Variants in WARS2 observed in about 807,000 individuals in gnomAD.
The protein encoded by WARS2 is tryptophanyl tRNA synthetase 2, mitochondrial.
A neutral mutation model predicts 36.5 loss-of-function variants in WARS2; 28 were observed. The ratio of observed to expected loss-of-function variants is 0.77; its 90% CI spans 0.57 to 1.05. The LOEUF (loss-of-function observed/expected upper bound fraction) is 1.05. Ranked by LOEUF, WARS2 falls within the 50% of genes least tolerant of loss-of-function variation. The pLI is 0.00. For synonymous variants in WARS2, 174 were observed against 178.4 expected (o/e 0.98, Z 0.20); for missense variants, 435 against 456.8 (o/e 0.95, Z 0.44).
intron 1 of WARS2, among the ~76,000 whole-genome samples, chr1:119,131,458 G>GTTTTTTTTTTTTTT (rs761800862): frequency 7.4e-6 from 1 of 134,302 alleles, no homozygotes; most frequent in Non-Finnish European, 1.6e-5. Flanking sequence ...AAAGTTTTTT[G>GTTTTTTTTTTTTTT]TTTTTTGTTT....
At position 119,033,018 on chromosome 1, in the gene WARS2, G is replaced by A. The variant is rs1315735279; in HGVS notation, c.976C>T (p.Leu326=). The change falls in exon 6 of 6, where the codon CTG becomes TTG. Residue 326 remains leucine, a synonymous_variant. Coordinates refer to ENST00000235521, the MANE Select transcript of WARS2 (RefSeq NM_015836.4). The part of the protein sequence containing the change: ...PIKREIEKLK[L]DKDHLEKVLQ... ...ACCTTCTCTAAATGGTCCTTGTCCA[G>A]CTTCAGTTTTTCAATTTCACGCTTA... 2 of 1,614,208 alleles carry A rather than the reference G, an allele frequency of 1.2e-6. No homozygotes were observed. Among genetic ancestry groups the A allele is most frequent in the Non-Finnish European group, 1.7e-6 (2 of 1,180,042 alleles).
intron 4 of WARS2, among the ~76,000 whole-genome samples, chr1:119,040,053 A>G (rs185568653): frequency 6.6e-6 from 1 of 152,380 alleles, no homozygotes; most frequent in African/African-American, 2.4e-5. Flanking sequence ...TAGGGAAAAC[A>G]ATGATATAGC....
At chr1:119,137,360 T>C (rs1420815974) in intron 1 of WARS2, among the ~76,000 whole-genome samples, 10 of 152,184 alleles carry the variant, frequency 6.6e-5, no homozygotes, top group Admixed American at 5.9e-4. Context: ...TTTTTAGGCG[T>C]AATTCTTCAT....
intron 2 of WARS2, among the ~76,000 whole-genome samples, chr1:119,059,592 A>G (rs2361269): frequency 0.32 from 49,399 of 152,024 alleles, 9,474 homozygotes; most frequent in African/African-American, 0.54. Context: ...AATAAGCTTC[A>G]AAAGGCAGTA....
chr1:119,041,434 T>C (rs1373415857), intron 4 of WARS2, among the ~76,000 whole-genome samples: 2 of 152,254 alleles, frequency 1.3e-5, no homozygotes, highest in East Asian at 1.9e-4. Flanking sequence ...GTGTATATTT[T>C]TGAGGACTTT....
At chr1:119,080,218 A>T (rs986996653) in intron 1 of WARS2, among the ~76,000 whole-genome samples, 1 of 152,230 alleles carries the variant, frequency 6.6e-6, no homozygotes, top group African/African-American at 2.4e-5. Flanking sequence ...ACCTAGGAAG[A>T]TAAGGGACTG....
At chr1:119,042,241 A>G in intron 4 of WARS2, 23 bp downstream of exon 4, 1 of 1,610,730 alleles carries the variant, frequency 6.2e-7, no homozygotes, top group Non-Finnish European at 8.5e-7. Context: ...TATGTATAAG[A>G]CTGGGCTGAA....
intron 2 of WARS2, among the ~76,000 whole-genome samples, chr1:119,070,783 AT>A (rs1255150014): frequency 6.6e-6 from 1 of 152,004 alleles, no homozygotes; most frequent in African/African-American, 2.4e-5. Flanking sequence ...CCTAATAAGC[AT>A]TTTTTTATAA....
chr1:119,135,650 C>CTTT (rs1318944502), intron 1 of WARS2, among the ~76,000 whole-genome samples: 9 of 152,058 alleles, frequency 5.9e-5, no homozygotes, highest in African/African-American at 2.2e-4. Context: ...TAGCACATAG[C>CTTT]AGGCACTAGC....
Position 119,031,366 on chromosome 1 carries a change from C to T in WARS2, c.*1545G>A. The T allele has an allele frequency of 6.6e-6, 1 of 152,234 alleles. No homozygotes were observed. 9.4% of individuals were successfully genotyped at this position (152,234 alleles called of 1,614,324 possible). A position where few individuals can be genotyped will look rare whatever the true frequency, so the allele number is the denominator to read the frequency against. ...AGACATCCCATTCCAGTATAAGATACAAAAGGCAAAATGTTTCCTTTACCC... is the reference window on the plus strand; with the variant it reads ...AGACATCCCATTCCAGTATAAGATATAAAAGGCAAAATGTTTCCTTTACCC... On this transcript the variant is annotated 3_prime_UTR_variant, in exon 6 of 6. Coordinates refer to ENST00000235521, the MANE Select transcript of WARS2 (RefSeq NM_015836.4).
chr1:119,096,832 G>A (rs1185500360), intron 1 of WARS2, among the ~76,000 whole-genome samples: 2 of 151,960 alleles, frequency 1.3e-5, no homozygotes, highest in African/African-American at 4.8e-5. Flanking sequence ...TTTCAAACAC[G>A]TGGTTTGAAA....
chr1:119,076,599 G>C lies in WARS2; in HGVS notation c.99C>G (p.Ser33Arg). 6.2e-7 allele frequency: 1 copy of C among 1,614,104 alleles called. No individual in the cohort carries two copies. The highest frequency in any genetic ancestry group is 8.5e-7 in the Non-Finnish European group (1 of 1,180,000). ...GAATGCCGGAAAATACTCGCTTCTTGCTGTCTTTCTGGAACAAAGGAAAAC... is the reference window on the plus strand; with the variant it reads ...GAATGCCGGAAAATACTCGCTTCTTCCTGTCTTTCTGGAACAAAGGAAAAC... ...SAAAPALQKD[S>R]KKRVFSGIQP... The change falls in exon 2 of 6, where the codon AGC (serine) becomes AGG (arginine). Residue 33 changes from serine to arginine, a missense_variant. By Grantham distance (110) the Ser-to-Arg change is moderately radical. Transcript: ENST00000235521.
At chr1:119,084,941 T>C (rs1652510055) in intron 1 of WARS2, 3 of 389,808 alleles carry the variant, frequency 7.7e-6, no homozygotes, top group South Asian at 3.1e-5. Context: ...CCAACTGAAT[T>C]TGACTGCATT....
At chr1:119,098,431 T>G (rs1241394572) in intron 1 of WARS2, among the ~76,000 whole-genome samples, 3 of 152,142 alleles carry the variant, frequency 2.0e-5, no homozygotes, top group African/African-American at 4.8e-5. Flanking sequence ...GATATTTATT[T>G]TATTTTATTA....
chr1:119,042,325 C>A lies in WARS2; in HGVS notation c.454G>T (p.Asp152Tyr), dbSNP rs752628633. The change falls in exon 4 of 6, where the codon GAT (aspartate) becomes TAT (tyrosine). Residue 152 changes from aspartate to tyrosine, a missense_variant. Asp to Tyr is a radical substitution (Grantham distance 160). Coordinates refer to ENST00000235521, the MANE Select transcript of WARS2 (RefSeq NM_015836.4). ...TATGTGAGCAGGCCCACCGTGCCATCGTGCTTCTGCTTGGTAGTCTTTGCC... is the reference window on the plus strand; with the variant it reads ...TATGTGAGCAGGCCCACCGTGCCATAGTGCTTCTGCTTGGTAGTCTTTGCC... The part of the protein sequence containing the change: ...WKAKTTKQKH[D>Y]GTVGLLTYPV... 2 of 1,613,624 alleles carry A rather than the reference C, an allele frequency of 1.2e-6. No individual in the cohort carries two copies. Among genetic ancestry groups the A allele is most frequent in the Non-Finnish European group, 1.7e-6 (2 of 1,179,894 alleles).
chr1:119,120,259 A>G (rs1221964620), intron 1 of WARS2, among the ~76,000 whole-genome samples: 7 of 152,158 alleles, frequency 4.6e-5, no homozygotes, highest in Admixed American at 4.6e-4. Context: ...AGACAATTCA[A>G]GACTACTATG....
At chr1:119,082,117 G>A (rs774960144) in intron 1 of WARS2, among the ~76,000 whole-genome samples, 1 of 151,900 alleles carries the variant, frequency 6.6e-6, no homozygotes, top group Non-Finnish European at 1.5e-5. Context: ...TAAAACTGAA[G>A]GAAAAATATT....
chr1:119,069,489 T>C lies in WARS2; in HGVS notation c.348+6861A>G, dbSNP rs149075162. Among the ~76,000 whole-genome samples, 207 of 152,366 alleles carry C rather than the reference T, an allele frequency of 1.4e-3. 1 individual carries two copies. The Middle Eastern group carries it at 0.024, about 18-fold the overall frequency. ...TAAATAATCTCTAATTTATCTGTTT[T>C]GTAAGTTAAGGACTGATTTATCAAA... On this transcript the variant is annotated intron_variant, in intron 2 of 5. Coordinates refer to ENST00000235521, the MANE Select transcript of WARS2 (RefSeq NM_015836.4).
intron 2 of WARS2, among the ~76,000 whole-genome samples, chr1:119,046,071 TA>T (rs1430674397): frequency 6.6e-6 from 1 of 152,088 alleles, no homozygotes; most frequent in Non-Finnish European, 1.5e-5. Flanking sequence ...CAAGCCTCTC[TA>T]AATAACTTCT....
Sources: gnomAD v4.1 joint callset for allele counts (sites outside exome capture counted in the v4.1 genomes callset) on GRCh38, gnomAD v4.1.1 for gene constraint, MANE v1.5 for transcripts, NCBI Gene and HGNC (gene_info 2026-07-23, HGNC 2026-07-21) for gene names.